SDK1: variants seen among roughly 807,000 people sequenced by gnomAD.
SDK1 encodes protein sidekick-1.
A neutral mutation model predicts 245.5 loss-of-function variants in SDK1; 157 were observed. That is an observed-to-expected ratio of 0.64 (90% CI 0.56 to 0.73). The LOEUF is 0.73. SDK1 is among the 30% of genes least tolerant of loss of function. The pLI is 0.00. For missense variants in SDK1, 3,583 were observed against 3,002.3 expected, an observed-to-expected ratio of 1.19 and a Z score of -4.52; for synonymous variants, 1,647 against 1,278.5, an observed-to-expected ratio of 1.29 and a Z score of -6.15.
chr7:4,013,797 C>T (rs1214925849), intron 16 of SDK1, among the ~76,000 whole-genome samples: 2 of 152,238 alleles, frequency 1.3e-5, no homozygotes, highest in African/African-American at 4.8e-5. Flanking sequence ...TAGCTCCAAT[C>T]AATAGCAAGG....
chr7:3,992,173 C>T (rs1385735067), intron 14 of SDK1, among the ~76,000 whole-genome samples: 3 of 152,220 alleles, frequency 2.0e-5, no homozygotes, highest in Non-Finnish European at 4.4e-5. Context: ...GAGGCAGGCA[C>T]TTGATAGCCT....
rs115750216 is a variant in SDK1, at chr7:4,175,541, G to A, written c.4937-234G>A. ...TGAATCAGAGTGGTAAGCACACCCC[G>A]CCTGTCCGGGACTGGGGTGCCTTGT... is the stretch of plus-strand genomic sequence containing the variant. On this transcript the variant is annotated intron_variant, in intron 33 of 44. Transcript: ENST00000404826. Among the ~76,000 whole-genome samples, 740 of 152,344 alleles carry A rather than the reference G, an allele frequency of 4.9e-3. 5 individuals carry two copies. The highest frequency in any genetic ancestry group is 0.017 in the African/African-American group (699 of 41,586).
chr7:3,357,013 C>T (rs992278769), intron 1 of SDK1, among the ~76,000 whole-genome samples: 1 of 142,042 alleles, frequency 7.0e-6, no homozygotes, highest in Non-Finnish European at 1.5e-5. Context: ...CGAGATAGTG[C>T]CACTGCACTC....
At chr7:4,096,189 A>G (rs1295507884) in intron 22 of SDK1, among the ~76,000 whole-genome samples, 1 of 152,216 alleles carries the variant, frequency 6.6e-6, no homozygotes, top group East Asian at 1.9e-4. Flanking sequence ...GTCTCCTGGA[A>G]TAAGACACTC....
At chr7:3,752,665 C>G (rs1488115498) in intron 4 of SDK1, among the ~76,000 whole-genome samples, 1 of 151,902 alleles carries the variant, frequency 6.6e-6, no homozygotes, top group Non-Finnish European at 1.5e-5. Flanking sequence ...ATCTTTTTTC[C>G]TCATCCTCTA....
chr7:4,243,887 G>C (rs141565954), intron 43 of SDK1, among the ~76,000 whole-genome samples: 1 of 152,276 alleles, frequency 6.6e-6, no homozygotes, highest in African/African-American at 2.4e-5. Context: ...TTAGAAATAC[G>C]GGCACAGTTG....
At chr7:3,859,914 C>T (rs951561898) in intron 5 of SDK1, among the ~76,000 whole-genome samples, 1 of 151,334 alleles carries the variant, frequency 6.6e-6, no homozygotes, top group African/African-American at 2.5e-5. Flanking sequence ...AACAAAAGAA[C>T]TGATAGAAAT....
intron 4 of SDK1, among the ~76,000 whole-genome samples, chr7:3,711,797 G>C (rs913816094): frequency 2.0e-5 from 3 of 152,112 alleles, no homozygotes; most frequent in African/African-American, 7.2e-5. Context: ...GTACAGTGGG[G>C]AGCTTCTGTA....
At chr7:3,855,771 C>G (rs1034822677) in intron 5 of SDK1, among the ~76,000 whole-genome samples, 1 of 152,074 alleles carries the variant, frequency 6.6e-6, no homozygotes, top group East Asian at 1.9e-4. Context: ...ACTAAAAGAT[C>G]CTGGGGTGGA....
At chr7:3,458,976 G>T (rs1267730158) in intron 1 of SDK1, among the ~76,000 whole-genome samples, 1 of 152,002 alleles carries the variant, frequency 6.6e-6, no homozygotes, top group Non-Finnish European at 1.5e-5. Context: ...AAGTTTCCAT[G>T]TAAAGTTTCC....
At chr7:3,874,357 C>A (rs1438948376) in intron 5 of SDK1, among the ~76,000 whole-genome samples, 16 of 152,214 alleles carry the variant, frequency 1.1e-4, no homozygotes, top group Admixed American at 8.5e-4. Flanking sequence ...CTGCTTCTTG[C>A]AGCTCCCCTG....
chr7:3,430,447 G>A (rs754163608), intron 1 of SDK1, among the ~76,000 whole-genome samples: 7 of 152,132 alleles, frequency 4.6e-5, no homozygotes, highest in Non-Finnish European at 7.4e-5. Flanking sequence ...ATACTACTCA[G>A]AAGCTTCGTC....
intron 40 of SDK1, among the ~76,000 whole-genome samples, chr7:4,223,205 C>T (rs1418738223): frequency 1.3e-5 from 2 of 152,066 alleles, no homozygotes; most frequent in Non-Finnish European, 1.5e-5. Context: ...AGGATCCAGG[C>T]GTTCACAAAT....
chr7:3,860,501 A>G (rs1328374151), intron 5 of SDK1, among the ~76,000 whole-genome samples: 1 of 152,246 alleles, frequency 6.6e-6, no homozygotes, highest in Non-Finnish European at 1.5e-5. Flanking sequence ...AAGAAGTTTG[A>G]TAATATCAAG....
chr7:3,839,842 A>T (rs1211766147), intron 5 of SDK1, among the ~76,000 whole-genome samples: 1 of 152,208 alleles, frequency 6.6e-6, no homozygotes, highest in East Asian at 1.9e-4. Context: ...GAGTCACAGG[A>T]AATTTTAAAA....
At position 4,175,808 on chromosome 7, in the gene SDK1, C is replaced by T. The variant is rs756433845; in HGVS notation, c.4970C>T (p.Ser1657Phe). Residue 1657 changes from serine to phenylalanine, a missense_variant, in exon 34 of 45, where the codon TCC becomes TTC. Coordinates refer to ENST00000404826, the MANE Select transcript of SDK1 (RefSeq NM_152744.4). ...AGCTTCAAGACGGTGAACAGCAGCT[C>T]CACATCGACGATGTGTGAACTAACA... The part of the protein sequence containing the change: ...QSSFKTVNSS[S>F]TSTMCELTHL... The T allele has an allele frequency of 1.6e-5, 26 of 1,613,778 alleles. No homozygotes were observed. In the South Asian group the frequency reaches 2.7e-4, roughly 17 times the overall value.
At chr7:4,178,426 T>G in intron 34 of SDK1, 59 bp from the exon 35 acceptor site, 1 of 1,291,314 alleles carries the variant, frequency 7.7e-7, no homozygotes, top group Non-Finnish European at 1.1e-6. Context: ...AGGGGGAACT[T>G]TGGAGAAAGA....
intron 4 of SDK1, among the ~76,000 whole-genome samples, chr7:3,735,535 A>C (rs921253864): frequency 7.9e-5 from 12 of 152,202 alleles, no homozygotes; most frequent in Non-Finnish European, 1.6e-4. Context: ...CACTGGATGC[A>C]TAGGGCACGG....
intron 4 of SDK1, among the ~76,000 whole-genome samples, chr7:3,752,222 T>A (rs1310117798): frequency 6.6e-6 from 1 of 152,252 alleles, no homozygotes; most frequent in Non-Finnish European, 1.5e-5. Context: ...TATTAGGGAC[T>A]GCAGTCTATG....
Sources: allele counts gnomAD v4.1 joint callset (sites outside exome capture counted in the v4.1 genomes callset), GRCh38; gene constraint gnomAD v4.1.1; transcripts MANE v1.5; gene names NCBI Gene and HGNC (gene_info 2026-07-23, HGNC 2026-07-21).